The following RBPMS variants were observed in gnomAD, a reference collection of about 807,000 sequenced individuals.
RBPMS encodes the protein RNA-binding protein with multiple splicing.
RBPMS carries 7 observed loss-of-function variants against 26.8 expected under a neutral mutation model. The ratio of observed to expected loss-of-function variants is 0.26; its 90% CI spans 0.15 to 0.49. The LOEUF (loss-of-function observed/expected upper bound fraction) is 0.49. Ranked by LOEUF, RBPMS falls within the 20% of genes least tolerant of loss-of-function variation. RBPMS has a pLI of 0.98. For synonymous variants in RBPMS, 96 were observed against 93.3 expected (o/e 1.03, Z -0.17); for missense variants, 186 against 250.0 (o/e 0.74, Z 1.73).
chr8:30,412,547 C>A (rs1051736555), intron 1 of RBPMS, among the ~76,000 whole-genome samples: 8 of 152,052 alleles, frequency 5.3e-5, no homozygotes, highest in African/African-American at 1.9e-4. Context: ...GGTTCTTGCC[C>A]TCTCAAAACC....
rs116297324 is a variant in RBPMS, at chr8:30,538,046, A to C, written c.398-6448A>C. ...TAGAAATCAATGCTATAGGTTTATG[A>C]GTCATCCTAAATAGAATTAGTAGTT... On this transcript the variant is annotated intron_variant, in intron 5 of 8. Coordinates refer to ENST00000397323, the MANE Select transcript of RBPMS (RefSeq NM_001008710.3). Among the ~76,000 whole-genome samples the C allele has an allele frequency of 9.8e-3, 1,495 of 152,334 alleles. 23 individuals carry two copies. The highest frequency in any genetic ancestry group is 0.031 in the African/African-American group (1,282 of 41,558).
chr8:30,567,314 G>A (rs568851390), intron 8 of RBPMS, among the ~76,000 whole-genome samples: 2 of 152,304 alleles, frequency 1.3e-5, no homozygotes, highest in East Asian at 1.9e-4. Context: ...CATCAGGTGT[G>A]TGCCACACTG....
intron 7 of RBPMS, among the ~76,000 whole-genome samples, 192 bp downstream of exon 7, chr8:30,559,148 C>CG (rs1350898689): frequency 1.3e-5 from 2 of 152,180 alleles, no homozygotes; most frequent in Non-Finnish European, 2.9e-5. Flanking sequence ...CACCTAGGTA[C>CG]GGGTGCTAGT....
rs28642702 is a variant in RBPMS, at chr8:30,555,912, C to G, written c.529-2975C>G. ...TTAGCGCGGAGCAGCTTGTTCCCCC[C>G]CACCGGGCCGGCTGCCCGAACTCTG... is the stretch of plus-strand genomic sequence containing the variant. On this transcript the variant is annotated intron_variant, in intron 6 of 8. Coordinates refer to ENST00000397323, the MANE Select transcript of RBPMS (RefSeq NM_001008710.3). The G allele has an allele frequency of 1.3e-3, 1,289 of 984,802 alleles. 2 individuals are homozygous for G. The highest frequency in any genetic ancestry group is 5.2e-3 in the African/African-American group (301 of 57,362). 61.0% of individuals were successfully genotyped at this position (984,802 alleles called of 1,614,324 possible). A position where few individuals can be genotyped will look rare whatever the true frequency, so the allele number is the denominator to read the frequency against.
intron 1 of RBPMS, among the ~76,000 whole-genome samples, chr8:30,413,236 G>A (rs1243185887): frequency 2.0e-5 from 3 of 152,028 alleles, no homozygotes; most frequent in Non-Finnish European, 2.9e-5. Context: ...GCACCACTAT[G>A]CCCAGCTAAT....
intron 1 of RBPMS, among the ~76,000 whole-genome samples, chr8:30,457,047 T>G (rs901822194): frequency 6.6e-6 from 1 of 152,250 alleles, no homozygotes; most frequent in Non-Finnish European, 1.5e-5. Flanking sequence ...GAGAACTGTT[T>G]GCCTGCACAT....
At chr8:30,561,825 T>C in intron 7 of RBPMS, 4 of 983,070 alleles carry the variant, frequency 4.1e-6, no homozygotes, top group Non-Finnish European at 4.8e-6. Flanking sequence ...CCCTTAAGAA[T>C]TTATGTAGGC....
intron 1 of RBPMS, among the ~76,000 whole-genome samples, chr8:30,437,088 A>T (rs1160721649): frequency 1.3e-5 from 2 of 151,402 alleles, no homozygotes; most frequent in African/African-American, 4.9e-5. Flanking sequence ...ATGCCCGCTA[A>T]TTTTTTGTAT....
At chr8:30,547,354 A>C in intron 6 of RBPMS, 1 of 1,613,756 alleles carries the variant, frequency 6.2e-7, no homozygotes, top group South Asian at 1.1e-5. Flanking sequence ...AGCAAATTAG[A>C]TTTGTCTCTG....
At chr8:30,493,789 C>T (rs1156700449) in intron 4 of RBPMS, among the ~76,000 whole-genome samples, 1 of 152,080 alleles carries the variant, frequency 6.6e-6, no homozygotes, top group Non-Finnish European at 1.5e-5. Context: ...CAATCACGCC[C>T]TCTCGACCCT....
In RBPMS at chr8:30,535,681, G is replaced by A. The variant is rs559146880; in HGVS notation, c.398-8813G>A. ...GGCTTCAGGTGATCCTCCCACCTCA[G>A]CCTCTGTAGTAGCTGGGATTACAAG... is the stretch of plus-strand genomic sequence containing the variant. On this transcript the variant is annotated intron_variant, in intron 5 of 8. Transcript: ENST00000397323. Among the ~76,000 whole-genome samples the A allele has an allele frequency of 1.1e-3, 162 of 152,302 alleles. 1 individual carries two copies. Among genetic ancestry groups the A allele is most frequent in the Non-Finnish European group, 2.0e-3 (133 of 68,026 alleles).
intron 5 of RBPMS, among the ~76,000 whole-genome samples, chr8:30,538,421 A>G (rs962196437): frequency 5.9e-5 from 9 of 151,966 alleles, no homozygotes; most frequent in Admixed American, 5.9e-4. Flanking sequence ...CACCTGGCTA[A>G]TTTTTGTATC....
intron 1 of RBPMS, among the ~76,000 whole-genome samples, chr8:30,420,660 G>A (rs1249545836): frequency 1.3e-5 from 2 of 152,326 alleles, no homozygotes; most frequent in African/African-American, 2.4e-5. Context: ...ACTTTATCGG[G>A]AGGCTTCTTC....
intron 1 of RBPMS, among the ~76,000 whole-genome samples, chr8:30,474,067 C>T (rs1022645469): frequency 1.8e-4 from 27 of 151,622 alleles, no homozygotes; most frequent in Non-Finnish European, 1.0e-4. Context: ...ACATCCTGCA[C>T]ATGTACCCCA....
rs368210516 is a variant in RBPMS, at chr8:30,461,551, C to T, written c.67-13228C>T. Among the ~76,000 whole-genome samples the T allele has an allele frequency of 1.9e-3, 283 of 152,216 alleles. 2 individuals are homozygous for T. The highest frequency in any genetic ancestry group is 6.5e-3 in the African/African-American group (271 of 41,536). ...CTGGAACTACAGGCGCGTGCCACCA[C>T]GCCCTGCTAATTTTTTGTATTTTTT... On this transcript the variant is annotated intron_variant, in intron 1 of 8. Coordinates refer to ENST00000397323, the MANE Select transcript of RBPMS (RefSeq NM_001008710.3).
intron 6 of RBPMS, chr8:30,547,327 C>A: frequency 1.9e-6 from 3 of 1,613,358 alleles, no homozygotes; most frequent in Non-Finnish European, 1.7e-6. Flanking sequence ...ACACACCTGT[C>A]TTTTGTCCAC....
intron 1 of RBPMS, among the ~76,000 whole-genome samples, chr8:30,447,456 T>G (rs1814004421): frequency 6.6e-6 from 1 of 152,196 alleles, no homozygotes; most frequent in Non-Finnish European, 1.5e-5. Context: ...TTTTGGATAC[T>G]CATCATTATA....
At chr8:30,514,080 T>A (rs541573701) in intron 5 of RBPMS, among the ~76,000 whole-genome samples, 1 of 152,238 alleles carries the variant, frequency 6.6e-6, no homozygotes, top group Admixed American at 6.5e-5. Flanking sequence ...CAAAATACAT[T>A]AGTAATCATT....
intron 1 of RBPMS, among the ~76,000 whole-genome samples, chr8:30,415,834 A>G (rs1415201185): frequency 1.3e-5 from 2 of 152,242 alleles, no homozygotes; most frequent in African/African-American, 2.4e-5. Flanking sequence ...TTCCAGGAGC[A>G]TGTTGCATAG....
Sources: allele counts gnomAD v4.1 joint callset (sites outside exome capture counted in the v4.1 genomes callset), GRCh38; gene constraint gnomAD v4.1.1; transcripts MANE v1.5; gene names NCBI Gene and HGNC (gene_info 2026-07-23, HGNC 2026-07-21).